Variants in RBFOX1 observed in about 807,000 individuals in gnomAD.
RBFOX1 encodes the protein RNA binding fox-1 homolog 1.
RBFOX1 carries 8 observed loss-of-function variants against 57.7 expected under a neutral mutation model. The ratio of observed to expected loss-of-function variants is 0.14; its 90% confidence interval spans 0.08 to 0.25. The LOEUF (loss-of-function observed/expected upper bound fraction) is 0.25, where lower values mean the gene tolerates loss of function less well. Ranked by LOEUF, RBFOX1 falls within the 10% of genes least tolerant of loss-of-function variation. The pLI is 1.00. For synonymous variants in RBFOX1, 326 were observed against 222.4 expected, an observed-to-expected ratio of 1.47 and a Z score of -4.15; for missense variants, 611 against 548.5, an observed-to-expected ratio of 1.11 and a Z score of -1.14.
At chr16:6,413,398 A>G (rs1259185418) in intron 2 of RBFOX1, among the ~76,000 whole-genome samples, 3 of 151,954 alleles carry the variant, frequency 2.0e-5, no homozygotes, top group Non-Finnish European at 4.4e-5. Flanking sequence ...CCCTGGGCTC[A>G]AGCAGTCCTC....
chr16:7,607,025 G>A (rs7359428), intron 9 of RBFOX1, among the ~76,000 whole-genome samples: 12,215 of 152,170 alleles, frequency 0.08, 626 homozygotes, highest in South Asian at 0.16. Flanking sequence ...TAATTACCAT[G>A]TCATTTTCAA....
intron 2 of RBFOX1, among the ~76,000 whole-genome samples, chr16:6,528,766 A>T (rs1006205559): frequency 2.6e-5 from 4 of 152,126 alleles, no homozygotes; most frequent in East Asian, 3.9e-4. Flanking sequence ...ACACTCTACG[A>T]TGGTTAGCAG....
intron 4 of RBFOX1, among the ~76,000 whole-genome samples, chr16:5,907,809 G>T (rs1168941668): frequency 6.6e-6 from 1 of 151,472 alleles, no homozygotes; most frequent in African/African-American, 2.4e-5. Flanking sequence ...GGAGTGTAGT[G>T]GTATGATCTC....
intron 13 of RBFOX1, among the ~76,000 whole-genome samples, chr16:7,673,744 C>T (rs921726762): frequency 1.3e-5 from 2 of 152,182 alleles, no homozygotes; most frequent in African/African-American, 2.4e-5. Context: ...TATAAGGTTA[C>T]ATTTATATTT....
At chr16:5,651,152 A>C (rs2049227024) in intron 3 of RBFOX1, among the ~76,000 whole-genome samples, 1 of 140,056 alleles carries the variant, frequency 7.1e-6, no homozygotes, top group African/African-American at 2.6e-5. Flanking sequence ...TCCTGGGTTC[A>C]AGCGATTCTC....
chr16:6,776,995 A>AT (rs1251437463), intron 3 of RBFOX1, among the ~76,000 whole-genome samples: 1 of 152,176 alleles, frequency 6.6e-6, no homozygotes, highest in Admixed American at 6.5e-5. Flanking sequence ...TGCAGTTGTA[A>AT]TTAAAGTGAA....
chr16:5,282,094 G>A (rs1411993099), intron 1 of RBFOX1, among the ~76,000 whole-genome samples: 5 of 152,134 alleles, frequency 3.3e-5, no homozygotes, highest in African/African-American at 1.2e-4. Flanking sequence ...TCTTTACCAT[G>A]CTATTCTTTT....
At chr16:5,483,352 C>G (rs528769822) in intron 2 of RBFOX1, among the ~76,000 whole-genome samples, 1 of 152,234 alleles carries the variant, frequency 6.6e-6, no homozygotes, top group Non-Finnish European at 1.5e-5. Context: ...CTCGGCCTGT[C>G]TGTGACTGCT....
chr16:6,849,510 A>G (rs962565523), intron 3 of RBFOX1, among the ~76,000 whole-genome samples: 3 of 152,046 alleles, frequency 2.0e-5, no homozygotes, highest in African/African-American at 7.2e-5. Flanking sequence ...TCTACTAAAC[A>G]ATACAAAAAT....
At chr16:7,028,235 T>C (rs1023512615) in intron 3 of RBFOX1, among the ~76,000 whole-genome samples, 5 of 152,132 alleles carry the variant, frequency 3.3e-5, no homozygotes, top group African/African-American at 1.2e-4. Flanking sequence ...TTCTCCGTAA[T>C]AGACAGGGCT....
At chr16:5,852,514 G>T (rs970211085) in intron 3 of RBFOX1, among the ~76,000 whole-genome samples, 5 of 152,322 alleles carry the variant, frequency 3.3e-5, no homozygotes, top group African/African-American at 1.2e-4. Flanking sequence ...ATGGACTGCA[G>T]GCTGGCTCCG....
intron 4 of RBFOX1, among the ~76,000 whole-genome samples, chr16:7,114,347 T>C (rs2065426016): frequency 6.6e-6 from 1 of 152,136 alleles, no homozygotes; most frequent in South Asian, 2.1e-4. Flanking sequence ...GCTATGGAGG[T>C]CCAAGGTCAC....
chr16:5,703,783 G>A lies in RBFOX1; in HGVS notation c.318+104822G>A, dbSNP rs1460960292. On this transcript the variant is annotated intron_variant, in intron 3 of 19. Coordinates refer to the RBFOX1 transcript ENST00000641259. ...TATATGTGCATGTGTATTTATGTGTGTGAGTATATATATATGTGTACATAT... is the reference window on the plus strand; with the variant it reads ...TATATGTGCATGTGTATTTATGTGTATGAGTATATATATATGTGTACATAT... Among the ~76,000 whole-genome samples the A allele has an allele frequency of 3.9e-5, 6 of 152,166 alleles. No homozygotes were observed. The East Asian group carries it at 1.2e-3, about 29-fold the overall frequency.
chr16:7,281,887 G>A (rs182157216), intron 4 of RBFOX1, among the ~76,000 whole-genome samples: 2 of 151,810 alleles, frequency 1.3e-5, no homozygotes, highest in African/African-American at 4.8e-5. Flanking sequence ...CCTAGAAAAG[G>A]TCTTACTCTG....
At chr16:7,528,842 G>A (rs1012210045) in intron 5 of RBFOX1, among the ~76,000 whole-genome samples, 1 of 152,206 alleles carries the variant, frequency 6.6e-6, no homozygotes, top group South Asian at 2.1e-4. Context: ...GCTATTCTCT[G>A]TTGACAGAAG....
intron 2 of RBFOX1, among the ~76,000 whole-genome samples, chr16:5,598,276 T>C (rs2047253862): frequency 6.6e-6 from 1 of 151,664 alleles, no homozygotes; most frequent in African/African-American, 2.4e-5. Flanking sequence ...AGATGCTCCC[T>C]AGATGCAAAG....
intron 1 of RBFOX1, among the ~76,000 whole-genome samples, chr16:5,292,010 A>T (rs1440727352): frequency 4.4e-4 from 39 of 88,012 alleles, no homozygotes; most frequent in Non-Finnish European, 8.7e-4. Context: ...TTTTTTTTTC[A>T]ACAGCCAACA....
chr16:5,614,925 T>C (rs75955393), intron 3 of RBFOX1, among the ~76,000 whole-genome samples: 5,022 of 152,238 alleles, frequency 0.033, 179 homozygotes, highest in African/African-American at 0.078. Context: ...GTTTGGTCCA[T>C]GAGCTGTGAG....
chr16:7,223,935 C>A (rs918276420), intron 4 of RBFOX1, among the ~76,000 whole-genome samples: 7 of 151,642 alleles, frequency 4.6e-5, no homozygotes, highest in East Asian at 3.9e-4. Flanking sequence ...TGGACACATA[C>A]CAGGATAGGC....
Sources: gnomAD v4.1 joint callset for allele counts (sites outside exome capture counted in the v4.1 genomes callset) on GRCh38, gnomAD v4.1.1 for gene constraint, MANE v1.5 for transcripts, NCBI Gene and HGNC (gene_info 2026-07-23, HGNC 2026-07-21) for gene names.